NLRC4: variants seen among roughly 807,000 people sequenced by gnomAD.
NLRC4 encodes NLR family CARD domain-containing protein 4.
NLRC4 carries 63 observed loss-of-function variants against 79.9 expected under a neutral mutation model. The ratio of observed to expected loss-of-function variants is 0.79; its 90% CI spans 0.64 to 0.97. The LOEUF (loss-of-function observed/expected upper bound fraction) is 0.97, where lower values mean the gene tolerates loss of function less well. NLRC4 is among the 50% of genes least tolerant of loss of function. The pLI, the probability that NLRC4 is intolerant of heterozygous loss-of-function variation, is 0.00. For synonymous variants in NLRC4, 461 were observed against 456.5 expected (o/e 1.01, Z -0.12); for missense variants, 1,074 against 1,215.2 (o/e 0.88, Z 1.73).
chr2:32,251,102 C>A lies in NLRC4; in HGVS notation c.762G>T (p.Lys254Asn). ...LFLLDGYNEF[K>N]PQNCPEIEAL... ...CTTCGATTTCTGGGCAGTTCTGGGG[C>A]TTGAATTCATTGTAGCCATCAAGAA... The change falls in exon 4 of 9, where the codon AAG becomes AAT. Residue 254 changes from lysine to asparagine, a missense_variant. Transcript: ENST00000402280. 4 of 1,614,162 alleles carry A rather than the reference C, an allele frequency of 2.5e-6. No individual in the cohort carries two copies. Among genetic ancestry groups the A allele is most frequent in the Non-Finnish European group, 3.4e-6 (4 of 1,180,026 alleles).
Position 32,224,766 on chromosome 2 carries a change from C to A in NLRC4, c.2783-1G>T. 6.5e-7 allele frequency: 1 copy of A among 1,548,012 alleles called. No homozygotes were observed. The highest frequency in any genetic ancestry group is 8.7e-7 in the Non-Finnish European group (1 of 1,148,420). On this transcript the variant is annotated splice_acceptor_variant, in intron 8 of 8. Coordinates refer to ENST00000402280, the MANE Select transcript of NLRC4 (RefSeq NM_001199138.2). LOFTEE classifies it high-confidence loss of function. The stretch of plus-strand genomic sequence containing the variant: ...AGAGGGTTCTTTCCAAAAAATGCAC[C>A]TGGGTAAAGAAATAAGTATATTAGT...
chr2:32,241,621 G>A (rs552971255), intron 4 of NLRC4, among the ~76,000 whole-genome samples: 43 of 152,096 alleles, frequency 2.8e-4, no homozygotes, highest in Admixed American at 1.3e-3. Flanking sequence ...CTCGTGATCC[G>A]CCTGCCTCGG....
chr2:32,232,606 A>G (rs1296442038), intron 8 of NLRC4, among the ~76,000 whole-genome samples: 3 of 152,196 alleles, frequency 2.0e-5, no homozygotes, highest in Non-Finnish European at 4.4e-5. Flanking sequence ...ACTCAAAGTC[A>G]TTGCCTGAAT....
chr2:32,265,302 C>G (rs765768088), upstream of NLRC4, among the ~76,000 whole-genome samples: 2 of 152,070 alleles, frequency 1.3e-5, no homozygotes, highest in Admixed American at 6.6e-5. Context: ...CGCCTCAGTC[C>G]TCCCAGTAGC....
rs1558446170 is a variant in NLRC4, at chr2:32,231,578, G to C, written c.2782+3823C>G. On this transcript the variant is annotated intron_variant, in intron 8 of 8. Transcript: ENST00000402280. ...TTCTTTTTCTATTTTTTTTTGTGGG[G>C]GGGGGGTGGGGGACTGGGTGTCACT... Among the ~76,000 whole-genome samples the C allele has an allele frequency of 7.8e-5, 9 of 115,034 alleles. No homozygotes were observed. In the South Asian group the frequency reaches 2.6e-3, roughly 33 times the overall value. The allele number at this position is 115,034 out of a possible 152,430, so 75.5% of individuals were successfully genotyped here. A position where few individuals can be genotyped will look rare whatever the true frequency, so the allele number is the denominator to read the frequency against.
intron 4 of NLRC4, among the ~76,000 whole-genome samples, chr2:32,242,989 A>G (rs1340073118): frequency 6.6e-5 from 10 of 152,114 alleles, no homozygotes; most frequent in Non-Finnish European, 1.5e-4. Context: ...TCAAGATTGC[A>G]ATGAAGTGTG....
At chr2:32,260,160 C>A (rs778374517) in intron 1 of NLRC4, among the ~76,000 whole-genome samples, 1 of 121,794 alleles carries the variant, frequency 8.2e-6, no homozygotes, top group Non-Finnish European at 1.6e-5. Context: ...ACCCAGGAAG[C>A]GGAGGTTGCA....
chr2:32,233,320 AAT>A (rs1257781417), intron 8 of NLRC4, among the ~76,000 whole-genome samples: 176 of 67,210 alleles, frequency 2.6e-3, no homozygotes, highest in Middle Eastern at 0.012. Flanking sequence ...AGAAATTTTA[AAT>A]ATATATATAT....
At position 32,241,115 on chromosome 2, in the gene NLRC4, A is replaced by G; in HGVS notation, c.2268T>C (p.Thr756=). ...LQNQRLPGGL[T]DSLGNLKNLT... ...GGTTCTTCAAGTTACCCAAGCTGTC[A>G]GTCAGACCACCTGTCAAAAGAAAAA... The change falls in exon 5 of 9, where the codon ACT becomes ACC. Residue 756 remains threonine, a synonymous_variant. Coordinates refer to ENST00000402280, the MANE Select transcript of NLRC4 (RefSeq NM_001199138.2). 1 of 1,601,300 alleles carries G rather than the reference A, an allele frequency of 6.2e-7. No individual in the cohort carries two copies. Among genetic ancestry groups the G allele is most frequent in the East Asian group, 2.2e-5 (1 of 44,498 alleles).
chr2:32,236,191 C>T (rs1046657379), intron 7 of NLRC4, 56 bp downstream of exon 7: 26 of 1,090,648 alleles, frequency 2.4e-5, no homozygotes, highest in Non-Finnish European at 3.3e-5. Context: ...CTATGTATTT[C>T]GACTACCCAG....
chr2:32,241,819 C>G (rs1296001033), intron 4 of NLRC4, among the ~76,000 whole-genome samples: 1 of 151,920 alleles, frequency 6.6e-6, no homozygotes, highest in African/African-American at 2.4e-5. Flanking sequence ...ATCTGCAGCT[C>G]TCTCCTCACA....
intron 8 of NLRC4, among the ~76,000 whole-genome samples, chr2:32,226,550 A>G (rs1484612371): frequency 6.6e-6 from 1 of 152,220 alleles, no homozygotes. Context: ...CACTGACACC[A>G]TCTTTGGGCC....
chr2:32,243,012 C>T (rs1244707169), intron 4 of NLRC4, among the ~76,000 whole-genome samples: 1 of 151,870 alleles, frequency 6.6e-6, no homozygotes, highest in Non-Finnish European at 1.5e-5. Context: ...GACACCACTG[C>T]ACTCCAGCCT....
At chr2:32,242,203 T>A (rs540693258) in intron 4 of NLRC4, among the ~76,000 whole-genome samples, 3 of 151,194 alleles carry the variant, frequency 2.0e-5, no homozygotes, top group Non-Finnish European at 4.4e-5. Context: ...AGGTAAACAA[T>A]AGAAAAAAAT....
At chr2:32,240,185 T>C (rs768865008) in intron 5 of NLRC4, among the ~76,000 whole-genome samples, 3 of 152,056 alleles carry the variant, frequency 2.0e-5, no homozygotes, top group African/African-American at 7.2e-5. Flanking sequence ...TTCACCATGT[T>C]GGCCAGGCTG....
chr2:32,233,679 T>G (rs1324738357), intron 8 of NLRC4, among the ~76,000 whole-genome samples: 4 of 152,102 alleles, frequency 2.6e-5, no homozygotes, highest in African/African-American at 9.7e-5. Flanking sequence ...TTTGGGGGAT[T>G]TTTTAAGACT....
Position 32,237,153 on chromosome 2 carries a change from G to A in NLRC4, c.2522-814C>T, listed in dbSNP as rs148119264. ...CTTTTCTTCACATATTATCACTCTT[G>A]CTTAATCTAGCTGAAGTTTTTTCTG... On this transcript the variant is annotated intron_variant, in intron 6 of 8. Coordinates refer to ENST00000402280, the MANE Select transcript of NLRC4 (RefSeq NM_001199138.2). Among the ~76,000 whole-genome samples the A allele has an allele frequency of 3.2e-4, 48 of 152,152 alleles. No homozygotes were observed. The East Asian group carries it at 9.1e-3, about 29-fold the overall frequency.
At chr2:32,257,741 T>C (rs571257157) in intron 1 of NLRC4, among the ~76,000 whole-genome samples, 2 of 151,492 alleles carry the variant, frequency 1.3e-5, no homozygotes, top group South Asian at 4.2e-4. Context: ...AGGGGAAAAG[T>C]TCTCTTGTCC....
intron 1 of NLRC4, among the ~76,000 whole-genome samples, chr2:32,263,894 G>A (rs1433605637): frequency 6.6e-6 from 1 of 152,138 alleles, no homozygotes; most frequent in Admixed American, 6.6e-5. Context: ...GTGATGTAGG[G>A]CAGGACATTT....
Sources: allele counts gnomAD v4.1 joint callset (sites outside exome capture counted in the v4.1 genomes callset), GRCh38; gene constraint gnomAD v4.1.1; transcripts MANE v1.5; gene names NCBI Gene and HGNC (gene_info 2026-07-23, HGNC 2026-07-21).